Variants in TIAM2 observed in about 807,000 individuals in gnomAD.
The protein encoded by TIAM2 is rho guanine nucleotide exchange factor TIAM2.
In TIAM2, 80 loss-of-function variants were observed where a neutral mutation model predicts 152.9. The ratio of observed to expected loss-of-function variants is 0.52; its 90% CI spans 0.44 to 0.63. The LOEUF (loss-of-function observed/expected upper bound fraction) is 0.63. Ranked by LOEUF, TIAM2 falls within the 30% of genes least tolerant of loss-of-function variation. TIAM2 has a pLI of 0.00. For synonymous variants in TIAM2, 804 were observed against 838.0 expected (o/e 0.96, Z 0.70); for missense variants, 1,965 against 2,120.1 (o/e 0.93, Z 1.44).
Position 155,088,052 on chromosome 6 carries a change from C to CTTT in TIAM2, c.-208-2219_-208-2217dup, listed in dbSNP as rs113372173. ...TAGGTGTATTTCTTTTTCTTTCTTT[C>CTTT]TTTTTTTTTTTTTTTTTTTTGAGAC... On this transcript the variant is annotated intron_variant, in intron 1 of 26. Transcript: ENST00000682666. Among the ~76,000 whole-genome samples, 976 of 118,978 alleles carry CTTT rather than the reference C, an allele frequency of 8.2e-3. 19 individuals carry two copies. The highest frequency in any genetic ancestry group is 0.03 in the African/African-American group (923 of 30,500). The allele number at this position is 118,978 out of a possible 152,430, so 78.1% of individuals were successfully genotyped here.
At chr6:155,092,627 A>T (rs58854958) in intron 2 of TIAM2, among the ~76,000 whole-genome samples, 2,978 of 152,132 alleles carry the variant, frequency 0.02, 100 homozygotes, top group African/African-American at 0.068. Context: ...AGGCTGAGGC[A>T]GGCGGATCAC....
chr6:155,174,748 C>T lies in TIAM2; in HGVS notation c.2362-2068C>T, dbSNP rs545077263. On this transcript the variant is annotated intron_variant, in intron 9 of 26. Transcript: ENST00000682666. The surrounding 1 kb of genome is among the most constrained non-coding windows in gnomAD (Gnocchi z 4.2). The stretch of plus-strand genomic sequence containing the variant: ...AGGCACAGTGTTAATTTGTACTGCT[C>T]ATGTTCCTCCCACACCTGTTTATCC... Among the ~76,000 whole-genome samples, 13 of 152,334 alleles carry T rather than the reference C, an allele frequency of 8.5e-5. No individual in the cohort carries two copies. In the South Asian group the frequency reaches 2.5e-3, roughly 29 times the overall value.
intron 14 of TIAM2, among the ~76,000 whole-genome samples, chr6:155,189,876 G>A (rs370190887): frequency 1.2e-4 from 19 of 152,290 alleles, no homozygotes; most frequent in African/African-American, 4.1e-4. Flanking sequence ...GTTTGTGTTT[G>A]ATCTCAGCGC....
chr6:155,157,814 A>G (rs1450087041), intron 7 of TIAM2, among the ~76,000 whole-genome samples: 2 of 152,188 alleles, frequency 1.3e-5, no homozygotes, highest in African/African-American at 4.8e-5. Context: ...CCAGGTGATG[A>G]ATTGTTTTGT....
At chr6:155,144,426 T>C (rs960461295) in intron 5 of TIAM2, among the ~76,000 whole-genome samples, 180 bp from the exon 6 acceptor site, 2 of 152,240 alleles carry the variant, frequency 1.3e-5, no homozygotes, top group Non-Finnish European at 2.9e-5. Context: ...CTCATTTTCA[T>C]TCAAGTTCAT....
chr6:155,089,840 T>C (rs1272197136), intron 1 of TIAM2, among the ~76,000 whole-genome samples: 1 of 152,170 alleles, frequency 6.6e-6, no homozygotes, highest in Non-Finnish European at 1.5e-5. Flanking sequence ...GAGAGCGAGA[T>C]TTTCTCTCTC....
At chr6:155,056,668 A>G (rs1280905668) in intron 1 of TIAM2, among the ~76,000 whole-genome samples, 1 of 152,158 alleles carries the variant, frequency 6.6e-6, no homozygotes. Context: ...TTAGATTTAC[A>G]GAATTCTTGC....
Position 155,210,717 on chromosome 6 carries a change from G to A in TIAM2, c.3065-487G>A, listed in dbSNP as rs73577441. The stretch of plus-strand genomic sequence containing the variant: ...GGGACTTTCAAGTTAGGATGAAATT[G>A]TGGTTGATGCCAGCACAAGAAACAT... On this transcript the variant is annotated intron_variant, in intron 14 of 26. Transcript: ENST00000682666. Among the ~76,000 whole-genome samples the A allele has an allele frequency of 2.6e-3, 401 of 152,306 alleles. 2 individuals carry two copies. Among genetic ancestry groups the A allele is most frequent in the African/African-American group, 9.3e-3 (388 of 41,578 alleles).
At chr6:155,067,129 G>A (rs1269928625) in intron 1 of TIAM2, among the ~76,000 whole-genome samples, 1 of 152,190 alleles carries the variant, frequency 6.6e-6, no homozygotes, top group East Asian at 1.9e-4. Flanking sequence ...TTGTGGTACA[G>A]CCGCAGGATC....
chr6:155,183,465 A>T lies in TIAM2; in HGVS notation c.3029A>T (p.Glu1010Val), dbSNP rs1165419419. ...CCTAACCAGTCCCAACTGCTGGAGG[A>T]ATTCCTGGATAACTTTAAAAAGAAT... ...PPPNQSQLLE[E>V]FLDNFKKNTA... is the part of the protein sequence containing the mutation. The change falls in exon 14 of 27, where the codon GAA becomes GTA. Residue 1010 changes from glutamate to valine, a missense_variant. Physicochemically the swap from Glu to Val is moderately radical, Grantham distance 121 (BLOSUM62 -2). This residue lies in a region of TIAM2 where 935 missense variants were observed against 980.0 expected (regional missense o/e 0.95). Transcript: ENST00000682666. The T allele has an allele frequency of 6.2e-7, 1 of 1,613,704 alleles. No individual in the cohort carries two copies. Among genetic ancestry groups the T allele is most frequent in the Non-Finnish European group, 8.5e-7 (1 of 1,179,906 alleles).
At chr6:155,092,099 A>G (rs1341698011) in intron 2 of TIAM2, among the ~76,000 whole-genome samples, 1 of 149,446 alleles carries the variant, frequency 6.7e-6, no homozygotes, top group Non-Finnish European at 1.5e-5. Context: ...AGGTCTTGCT[A>G]TGTTGCTCAG....
At chr6:155,065,806 A>G (rs1303013958) in intron 1 of TIAM2, among the ~76,000 whole-genome samples, 1 of 152,212 alleles carries the variant, frequency 6.6e-6, no homozygotes, top group Non-Finnish European at 1.5e-5. Flanking sequence ...AATAAAAATA[A>G]TGACAGTGCA....
chr6:155,254,572 AG>A lies in TIAM2; in HGVS notation c.4468+1del. On this transcript the variant is annotated frameshift_variant and splice_region_variant, in exon 26 of 27. Transcript: ENST00000682666. LOFTEE classifies it low-confidence loss of function (END_TRUNC). ...KNRVPVSAKL[A>X]SSRSLKVLKN... ...ACCGAGTTCCTGTTTCGGCCAAATT[AG>A]GTGAGAATTTTGCTAGCCTTGTGTT... is the stretch of plus-strand genomic sequence containing the variant. The A allele has an allele frequency of 6.2e-7, 1 of 1,609,624 alleles. No homozygotes were observed. The highest frequency in any genetic ancestry group is 8.5e-7 in the Non-Finnish European group (1 of 1,176,046).
At chr6:155,007,561 C>A (rs1261918347) in intron 1 of TIAM2, among the ~76,000 whole-genome samples, 1 of 151,990 alleles carries the variant, frequency 6.6e-6, no homozygotes, top group Admixed American at 6.6e-5. Context: ...TAGTTATAAG[C>A]ATACTGACAG....
chr6:155,255,339 T>G (rs1357527922), intron 26 of TIAM2: 1 of 152,214 alleles, frequency 6.6e-6, no homozygotes, highest in Non-Finnish European at 1.5e-5. Context: ...TCAAATCACG[T>G]TGTTCTTTCT....
At chr6:155,166,330 TTTTC>T (rs1358992571) in intron 9 of TIAM2, among the ~76,000 whole-genome samples, 123 of 124,704 alleles carry the variant, frequency 9.9e-4, no homozygotes, top group Middle Eastern at 9.5e-3. Flanking sequence ...TCTTTTTTTT[TTTTC>T]TTTTTTTGAG....
chr6:155,025,384 G>A lies in TIAM2; in HGVS notation c.-209+29892G>A, dbSNP rs996877252. Among the ~76,000 whole-genome samples the A allele has an allele frequency of 2.0e-4, 30 of 151,928 alleles. 1 individual carries two copies. Among genetic ancestry groups the A allele is most frequent in the East Asian group, 1.2e-3 (6 of 5,172 alleles). ...AATTTTTTGTATTTTTAGTAGAGAC[G>A]GGGTTTCACCGTGGTCTCAATCTCC... On this transcript the variant is annotated intron_variant, in intron 1 of 26. Transcript: ENST00000682666.
At chr6:155,025,612 C>G (rs1370276558) in intron 1 of TIAM2, among the ~76,000 whole-genome samples, 1 of 151,980 alleles carries the variant, frequency 6.6e-6, no homozygotes, top group Non-Finnish European at 1.5e-5. Context: ...AGGCACTGCA[C>G]CCGGGCAAAG....
At chr6:155,053,380 CT>C (rs756882067) in intron 1 of TIAM2, among the ~76,000 whole-genome samples, 24 of 151,104 alleles carry the variant, frequency 1.6e-4, no homozygotes, top group Admixed American at 3.3e-4. Context: ...CTCTTGAACT[CT>C]TGATCTCATG....
Sources: allele counts gnomAD v4.1 joint callset (sites outside exome capture counted in the v4.1 genomes callset), GRCh38; gene constraint gnomAD v4.1.1; regional missense constraint gnomAD v4.1.1; non-coding constraint Gnocchi (gnomAD v3.1); transcripts MANE v1.5; gene names NCBI Gene and HGNC (gene_info 2026-07-23, HGNC 2026-07-21).